NEGR1: variants seen among roughly 807,000 people sequenced by gnomAD.
NEGR1 encodes IgLON family member 4.
In NEGR1, 10 loss-of-function variants were observed where a neutral mutation model predicts 40.9. The ratio of observed to expected loss-of-function variants is 0.24; its 90% CI spans 0.15 to 0.42. NEGR1 has a LOEUF of 0.42. Ranked by LOEUF, NEGR1 falls within the 10% of genes least tolerant of loss-of-function variation. The pLI is 1.00. For synonymous variants in NEGR1, 185 were observed against 166.8 expected (o/e 1.11, Z -0.84); for missense variants, 352 against 438.9 (o/e 0.80, Z 1.77).
At chr1:71,420,066 G>A (rs1378435436) in intron 6 of NEGR1, among the ~76,000 whole-genome samples, 1 of 151,958 alleles carries the variant, frequency 6.6e-6, no homozygotes, top group Non-Finnish European at 1.5e-5. Context: ...TGCAAATTTG[G>A]CCATTTATAT....
At chr1:71,865,283 C>A (rs1183640112) in intron 2 of NEGR1, among the ~76,000 whole-genome samples, 1 of 152,138 alleles carries the variant, frequency 6.6e-6, no homozygotes, top group Admixed American at 6.6e-5. Context: ...GGCACATGCA[C>A]ACGTATGTAT....
intron 3 of NEGR1, among the ~76,000 whole-genome samples, chr1:71,734,917 T>TTC (rs397783875): frequency 1.3e-5 from 2 of 151,834 alleles, no homozygotes; most frequent in African/African-American, 4.8e-5. Flanking sequence ...AACTTTTTTT[T>TTC]CCCCTCCATT....
chr1:71,828,023 TG>T (rs1658701588), intron 2 of NEGR1, among the ~76,000 whole-genome samples: 1 of 151,978 alleles, frequency 6.6e-6, no homozygotes, highest in African/African-American at 2.4e-5. Context: ...CAGAATCAAC[TG>T]AAGAGCAGCA....
rs1646260260 is a variant in NEGR1 at position 71,403,850 on chromosome 1, T to G, written c.*3596A>C. 5.2e-6 allele frequency: 2 copies of G among 382,436 alleles called. No homozygotes were observed. Among genetic ancestry groups the G allele is most frequent in the Non-Finnish European group, 4.7e-6 (1 of 214,378 alleles). 23.7% of individuals were successfully genotyped at this position (382,436 alleles called of 1,614,324 possible). On this transcript the variant is annotated 3_prime_UTR_variant, in exon 7 of 7. Coordinates refer to ENST00000357731, the MANE Select transcript of NEGR1 (RefSeq NM_173808.3). ...AGACAGGAAGAGCTTTTTCCAGTCT[T>G]TAAAGTAAATACATATTCAAAGAAT...
intron 1 of NEGR1, among the ~76,000 whole-genome samples, chr1:72,143,914 A>AAAAT (rs1553145016): frequency 1.5e-5 from 2 of 130,614 alleles, no homozygotes; most frequent in African/African-American, 5.9e-5. Context: ...TGATATATAT[A>AAAAT]ATATATATAT....
intron 1 of NEGR1, among the ~76,000 whole-genome samples, chr1:71,977,658 C>T (rs945583378): frequency 6.6e-6 from 1 of 151,328 alleles, no homozygotes; most frequent in African/African-American, 2.4e-5. Context: ...TTGGAGAACA[C>T]ACCAGCTTGC....
intron 2 of NEGR1, among the ~76,000 whole-genome samples, chr1:71,820,087 T>C (rs1658371513): frequency 6.6e-6 from 1 of 151,998 alleles, no homozygotes; most frequent in African/African-American, 2.4e-5. Flanking sequence ...GGTTGTACTT[T>C]TATTTTTTGG....
intron 1 of NEGR1, among the ~76,000 whole-genome samples, chr1:72,143,411 T>A (rs1267190287): frequency 6.6e-6 from 1 of 151,748 alleles, no homozygotes; most frequent in South Asian, 2.1e-4. Context: ...AAAGAGTGAA[T>A]GAGAGAGTGA....
At chr1:71,996,467 T>C (rs951733124) in intron 1 of NEGR1, among the ~76,000 whole-genome samples, 2 of 152,162 alleles carry the variant, frequency 1.3e-5, no homozygotes, top group African/African-American at 4.8e-5. Flanking sequence ...GTTCCATCAT[T>C]TTTTAATATA....
At chr1:72,103,233 A>T (rs1477970468) in intron 1 of NEGR1, among the ~76,000 whole-genome samples, 1 of 152,086 alleles carries the variant, frequency 6.6e-6, no homozygotes, top group Non-Finnish European at 1.5e-5. Flanking sequence ...TGTTCCTTAT[A>T]TGGTACTATG....
At chr1:71,493,604 T>G (rs532740948) in intron 6 of NEGR1, among the ~76,000 whole-genome samples, 2 of 152,292 alleles carry the variant, frequency 1.3e-5, no homozygotes, top group Admixed American at 6.5e-5. Context: ...GATATAAATT[T>G]TAGACCACAA....
At chr1:71,785,503 T>C (rs1656879754) in intron 2 of NEGR1, among the ~76,000 whole-genome samples, 1 of 152,138 alleles carries the variant, frequency 6.6e-6, no homozygotes, top group African/African-American at 2.4e-5. Flanking sequence ...AAATTTCTAT[T>C]CCATTGAGCC....
chr1:71,850,853 A>G (rs1659577639), intron 2 of NEGR1, among the ~76,000 whole-genome samples: 1 of 152,192 alleles, frequency 6.6e-6, no homozygotes, highest in South Asian at 2.1e-4. Flanking sequence ...TCACTAAAAC[A>G]TACTTAAAAA....
intron 4 of NEGR1, among the ~76,000 whole-genome samples, chr1:71,671,472 T>G (rs1256929734): frequency 6.6e-6 from 1 of 152,148 alleles, no homozygotes; most frequent in East Asian, 1.9e-4. Flanking sequence ...TGATACAGTT[T>G]GAAAGACAAA....
intron 4 of NEGR1, among the ~76,000 whole-genome samples, chr1:71,654,270 A>C: frequency 6.6e-6 from 1 of 152,178 alleles, no homozygotes; most frequent in East Asian, 1.9e-4. Context: ...TACTGTAATG[A>C]TATATGACAT....
chr1:72,270,151 C>G (rs1655794745), intron 1 of NEGR1, among the ~76,000 whole-genome samples: 1 of 151,770 alleles, frequency 6.6e-6, no homozygotes, highest in Non-Finnish European at 1.5e-5. Context: ...CCTTCCCTTG[C>G]CAAACTACTT....
intron 1 of NEGR1, among the ~76,000 whole-genome samples, chr1:71,953,935 T>C (rs557222401): frequency 1.3e-5 from 2 of 152,148 alleles, no homozygotes; most frequent in African/African-American, 4.8e-5. Context: ...TTAATTGAGA[T>C]ATCCACTTTA....
chr1:71,458,792 T>G (rs1416314729), intron 6 of NEGR1, among the ~76,000 whole-genome samples: 1 of 152,230 alleles, frequency 6.6e-6, no homozygotes, highest in African/African-American at 2.4e-5. Context: ...ATCTTTGACA[T>G]ATATTTATAT....
intron 2 of NEGR1, among the ~76,000 whole-genome samples, chr1:71,928,063 CACACACATATGTACAT>C (rs1645796360): frequency 2.1e-5 from 1 of 48,532 alleles, no homozygotes; most frequent in Non-Finnish European, 4.2e-5. Context: ...TATATATACA[CACACACATATGTACAT>C]ATATGTATAT....
Sources: gnomAD v4.1 joint callset for allele counts (sites outside exome capture counted in the v4.1 genomes callset) on GRCh38, gnomAD v4.1.1 for gene constraint, MANE v1.5 for transcripts, NCBI Gene and HGNC (gene_info 2026-07-23, HGNC 2026-07-21) for gene names.